Variants in PEX5L observed in about 807,000 individuals in gnomAD.
PEX5L encodes peroxisomal biogenesis factor 5 like.
PEX5L carries 30 observed loss-of-function variants against 84.0 expected under a neutral mutation model. The observed-to-expected ratio is 0.36, with a 90% CI of 0.27 to 0.48. The LOEUF (loss-of-function observed/expected upper bound fraction) is 0.48. Among genes scored for constraint, PEX5L ranks in the 20% least tolerant of loss-of-function variants. The pLI, the probability that PEX5L is intolerant of heterozygous loss-of-function variation, is 0.99. For synonymous variants in PEX5L, 270 were observed against 283.1 expected, an observed-to-expected ratio of 0.95 and a Z score of 0.46; for missense variants, 533 against 754.6, an observed-to-expected ratio of 0.71 and a Z score of 3.44.
chr3:179,797,603 A>ATATATATATATATATATAT lies in PEX5L; in HGVS notation c.*4224_*4225insATATATATATATATATATA, dbSNP rs1431315600. 4 of 109,882 alleles carry ATATATATATATATATATAT rather than the reference A, an allele frequency of 3.6e-5. No homozygotes were observed. Among genetic ancestry groups the ATATATATATATATATATAT allele is most frequent in the African/African-American group, 1.1e-4 (3 of 28,448 alleles). The allele number at this position is 109,882 out of a possible 1,614,324, so 6.8% of individuals were successfully genotyped here. The stretch of plus-strand genomic sequence containing the variant: ...TGAACACTCTTTAAAAAAAAAAAAA[A>ATATATATATATATATATAT]AAATATATATATATATATATATATA... On this transcript the variant is annotated 3_prime_UTR_variant, in exon 15 of 15. Transcript: ENST00000467460.
intron 1 of PEX5L, among the ~76,000 whole-genome samples, chr3:180,008,639 A>C (rs1789140311): frequency 6.6e-6 from 1 of 152,234 alleles, no homozygotes; most frequent in African/African-American, 2.4e-5. Context: ...GAGGCCTCAG[A>C]ATCATGGCAG....
At chr3:179,885,302 T>C (rs547754780) in intron 4 of PEX5L, among the ~76,000 whole-genome samples, 19 of 152,258 alleles carry the variant, frequency 1.2e-4, no homozygotes, top group African/African-American at 4.6e-4. Flanking sequence ...CATGAGGTCA[T>C]ATTAGAATAG....
intron 7 of PEX5L, among the ~76,000 whole-genome samples, chr3:179,862,851 C>T (rs1366112633): frequency 6.6e-6 from 1 of 152,102 alleles, no homozygotes; most frequent in East Asian, 1.9e-4. Flanking sequence ...AAAATTTGTA[C>T]AGACTCACAA....
chr3:179,944,280 C>T (rs182170307), intron 2 of PEX5L, among the ~76,000 whole-genome samples: 1 of 152,212 alleles, frequency 6.6e-6, no homozygotes, highest in African/African-American at 2.4e-5. Context: ...GAGGTTTACA[C>T]TCAATCCAGC....
chr3:179,956,109 G>C (rs1780484237), intron 2 of PEX5L, among the ~76,000 whole-genome samples: 1 of 152,072 alleles, frequency 6.6e-6, no homozygotes. Context: ...AGAATTCTTG[G>C]GAGATAGAAG....
chr3:179,900,195 C>T (rs143311380), intron 2 of PEX5L, among the ~76,000 whole-genome samples: 3 of 152,084 alleles, frequency 2.0e-5, no homozygotes, highest in Non-Finnish European at 4.4e-5. Context: ...TTGCAGCTTA[C>T]GTTTTTCAAG....
chr3:179,905,391 G>A (rs1345901240), intron 2 of PEX5L, among the ~76,000 whole-genome samples: 1 of 151,886 alleles, frequency 6.6e-6, no homozygotes, highest in East Asian at 1.9e-4. Context: ...TCCTGCCTCA[G>A]TCTCCCGAGT....
At chr3:179,806,998 A>C (rs1426063772) in intron 14 of PEX5L, among the ~76,000 whole-genome samples, 1 of 152,228 alleles carries the variant, frequency 6.6e-6, no homozygotes, top group Non-Finnish European at 1.5e-5. Flanking sequence ...AATAGAAAAA[A>C]TGGGAAAAGA....
chr3:179,943,661 G>C (rs900085404), intron 2 of PEX5L, among the ~76,000 whole-genome samples: 2 of 152,206 alleles, frequency 1.3e-5, no homozygotes, highest in East Asian at 3.8e-4. Context: ...ATCACAATAA[G>C]ACAGCAGAGG....
At chr3:180,022,690 A>G (rs1158820927) in intron 1 of PEX5L, among the ~76,000 whole-genome samples, 1 of 152,200 alleles carries the variant, frequency 6.6e-6, no homozygotes, top group Admixed American at 6.5e-5. Flanking sequence ...GAGGATCTTG[A>G]AAAGTGTCTC....
intron 8 of PEX5L, among the ~76,000 whole-genome samples, chr3:179,827,582 T>C (rs1008997652): frequency 2.0e-5 from 3 of 152,100 alleles, no homozygotes; most frequent in Non-Finnish European, 2.9e-5. Flanking sequence ...AAGCCACAGG[T>C]GTTGGAGTAA....
intron 2 of PEX5L, among the ~76,000 whole-genome samples, chr3:179,970,698 G>C (rs1472057940): frequency 1.3e-5 from 2 of 152,076 alleles, no homozygotes; most frequent in African/African-American, 4.8e-5. Context: ...ACAGCTCCCT[G>C]AATGCAACTG....
chr3:180,035,988 C>A (rs1791873626), intron 1 of PEX5L, among the ~76,000 whole-genome samples: 1 of 152,138 alleles, frequency 6.6e-6, no homozygotes, highest in Non-Finnish European at 1.5e-5. Flanking sequence ...GGAGGCAGCA[C>A]CTCCCCTGAA....
chr3:179,807,128 AG>A (rs1443371985), intron 14 of PEX5L, among the ~76,000 whole-genome samples: 1 of 152,222 alleles, frequency 6.6e-6, no homozygotes, highest in African/African-American at 2.4e-5. Flanking sequence ...GACGAGAATG[AG>A]AAAGGCATTT....
chr3:179,803,770 C>G (rs1427854335), intron 14 of PEX5L, among the ~76,000 whole-genome samples: 2 of 152,150 alleles, frequency 1.3e-5, no homozygotes, highest in African/African-American at 4.8e-5. Context: ...TGCACATAAT[C>G]CAGGGATTTG....
At chr3:179,969,386 T>A (rs941874435) in intron 2 of PEX5L, among the ~76,000 whole-genome samples, 3 of 152,076 alleles carry the variant, frequency 2.0e-5, no homozygotes, top group Non-Finnish European at 4.4e-5. Flanking sequence ...TATATATGTA[T>A]AATGTCATCA....
chr3:179,935,426 T>C (rs527851730), intron 2 of PEX5L, among the ~76,000 whole-genome samples: 1 of 152,358 alleles, frequency 6.6e-6, no homozygotes, highest in East Asian at 1.9e-4. Flanking sequence ...CGAGCGTATA[T>C]ATTTCTGTTA....
rs963359822 is a variant in PEX5L at position 179,830,587 on chromosome 3, T to A, written c.823-10611A>T. Among the ~76,000 whole-genome samples, 8 of 152,296 alleles carry A rather than the reference T, an allele frequency of 5.3e-5. No individual in the cohort carries two copies. In the East Asian group the frequency reaches 1.3e-3, roughly 26 times the overall value. The stretch of plus-strand genomic sequence containing the variant: ...ATGTGGAACTAGGTAGTTTCTGTTA[T>A]ACCCACCAATGCCTCAAAAAATTCC... On this transcript the variant is annotated intron_variant, in intron 8 of 14. Transcript: ENST00000467460.
At chr3:179,962,669 C>T (rs1252998649) in intron 2 of PEX5L, among the ~76,000 whole-genome samples, 1 of 152,124 alleles carries the variant, frequency 6.6e-6, no homozygotes, top group Non-Finnish European at 1.5e-5. Context: ...ATCAGATGAA[C>T]CTACTTAAAA....
Sources: gnomAD v4.1 joint callset for allele counts (sites outside exome capture counted in the v4.1 genomes callset) on GRCh38, gnomAD v4.1.1 for gene constraint, MANE v1.5 for transcripts, NCBI Gene and HGNC (gene_info 2026-07-23, HGNC 2026-07-21) for gene names.